ABCC1: variants seen among roughly 807,000 people sequenced by gnomAD.
ABCC1 encodes multidrug resistance-associated protein 1.
A neutral mutation model predicts 172.9 loss-of-function variants in ABCC1; 83 were observed. That is an observed-to-expected ratio of 0.48 (90% confidence interval 0.40 to 0.58). ABCC1 has a LOEUF of 0.58. Among genes scored for constraint, ABCC1 ranks in the 20% least tolerant of loss-of-function variants. The pLI, the probability that ABCC1 is intolerant of heterozygous loss-of-function variation, is 0.00. For missense variants in ABCC1, 1,817 were observed against 2,002.7 expected (o/e 0.91, Z 1.77); for synonymous variants, 937 against 825.2 (o/e 1.14, Z -2.32).
intron 5 of ABCC1, among the ~76,000 whole-genome samples, chr16:16,021,837 G>A (rs61450946): frequency 0.048 from 7,281 of 152,240 alleles, 204 homozygotes; most frequent in Middle Eastern, 0.12. Flanking sequence ...AGCTAGACTT[G>A]TGGCTTTGGG....
intron 1 of ABCC1, among the ~76,000 whole-genome samples, chr16:16,005,069 CTT>C (rs36027088): frequency 2.2e-5 from 3 of 134,450 alleles, no homozygotes; most frequent in Admixed American, 7.8e-5. Flanking sequence ...TCATTTTTAA[CTT>C]TTTTTTTTTT....
At chr16:15,949,996 C>A (rs1444504418) in intron 1 of ABCC1, among the ~76,000 whole-genome samples, 197 bp downstream of exon 1, 1 of 152,090 alleles carries the variant, frequency 6.6e-6, no homozygotes, top group Non-Finnish European at 1.5e-5. Flanking sequence ...TGACTCAGTT[C>A]CTGCGGAGCA....
chr16:16,073,016 A>G (rs1185117813), intron 14 of ABCC1, among the ~76,000 whole-genome samples: 2 of 146,270 alleles, frequency 1.4e-5, no homozygotes, highest in Non-Finnish European at 3.0e-5. Context: ...CACTCCAGCC[A>G]GGGCAAAGAG....
intron 24 of ABCC1, among the ~76,000 whole-genome samples, 196 bp from the exon 25 acceptor site, chr16:16,124,593 C>T (rs1295836326): frequency 2.0e-5 from 3 of 152,144 alleles, no homozygotes; most frequent in Non-Finnish European, 4.4e-5. Context: ...ATTTACTGGC[C>T]TCGTGCCTTC....
Position 16,074,190 on chromosome 16 carries a change from C to T in ABCC1, c.1913-2136C>T, listed in dbSNP as rs139682431. Among the ~76,000 whole-genome samples, 36 of 152,246 alleles carry T rather than the reference C, an allele frequency of 2.4e-4. No homozygotes were observed. The South Asian group carries it at 3.1e-3, about 13-fold the overall frequency. On this transcript the variant is annotated intron_variant, in intron 14 of 30. Transcript: ENST00000399410. ...GTTGAGCAGCAACCCTGGACTCTAC[C>T]CATTAGATACAGTAGTATCCATCCC...
chr16:15,976,004 G>A (rs936180257), intron 1 of ABCC1, among the ~76,000 whole-genome samples: 1 of 152,010 alleles, frequency 6.6e-6, no homozygotes, highest in Non-Finnish European at 1.5e-5. Context: ...GGTGGCTTAC[G>A]CCTGTTATCC....
At chr16:16,115,454 A>G (rs2044820442) in intron 23 of ABCC1, among the ~76,000 whole-genome samples, 1 of 152,002 alleles carries the variant, frequency 6.6e-6, no homozygotes, top group African/African-American at 2.4e-5. Context: ...TCCCAGTTCA[A>G]GTGATTCCCC....
At chr16:15,980,033 AGT>A (rs1567284267) in intron 1 of ABCC1, among the ~76,000 whole-genome samples, 1 of 152,090 alleles carries the variant, frequency 6.6e-6, no homozygotes, top group African/African-American at 2.4e-5. Flanking sequence ...GTCTGGGGAG[AGT>A]GAGACATCGA....
At chr16:16,120,814 G>A (rs2045116153) in intron 23 of ABCC1, among the ~76,000 whole-genome samples, 1 of 152,080 alleles carries the variant, frequency 6.6e-6, no homozygotes, top group Non-Finnish European at 1.5e-5. Context: ...GGAGGGGGGT[G>A]ACGAGATTGA....
chr16:16,040,478 G>A (rs1011425948), intron 7 of ABCC1, among the ~76,000 whole-genome samples: 4 of 151,652 alleles, frequency 2.6e-5, no homozygotes, highest in Admixed American at 1.3e-4. Context: ...GTAGAGATGG[G>A]GTTTCTCCAT....
chr16:16,093,778 C>T (rs1407782544), intron 19 of ABCC1, among the ~76,000 whole-genome samples: 3 of 152,160 alleles, frequency 2.0e-5, no homozygotes, highest in Non-Finnish European at 1.5e-5. Flanking sequence ...AACTTTTTTC[C>T]TTGTTGGATT....
At chr16:16,110,729 C>G (rs755385107) in intron 21 of ABCC1, among the ~76,000 whole-genome samples, 16 of 152,164 alleles carry the variant, frequency 1.1e-4, no homozygotes, top group Admixed American at 2.6e-4. Flanking sequence ...AAGAAAACCT[C>G]CCCCAATACC....
At chr16:16,129,645 G>A (rs937747673) in intron 26 of ABCC1, among the ~76,000 whole-genome samples, 3 of 150,754 alleles carry the variant, frequency 2.0e-5, no homozygotes, top group Admixed American at 6.6e-5. Flanking sequence ...TCTAGTGATC[G>A]TCGTGTCTCA....
intron 10 of ABCC1, among the ~76,000 whole-genome samples, chr16:16,051,709 A>G (rs1372930970): frequency 6.6e-6 from 1 of 152,116 alleles, no homozygotes; most frequent in Non-Finnish European, 1.5e-5. Flanking sequence ...TTTGCTTGGC[A>G]CATACCAAAA....
chr16:16,017,350 C>G (rs2048038441), intron 5 of ABCC1, among the ~76,000 whole-genome samples: 1 of 152,048 alleles, frequency 6.6e-6, no homozygotes, highest in South Asian at 2.1e-4. Flanking sequence ...CCTACCTCAG[C>G]TTTCTGAGTA....
At chr16:16,109,094 C>G (rs2052274730) in intron 21 of ABCC1, among the ~76,000 whole-genome samples, 1 of 152,176 alleles carries the variant, frequency 6.6e-6, no homozygotes, top group African/African-American at 2.4e-5. Context: ...CTTGAAAACT[C>G]AAAAGGAAGC....
chr16:16,109,345 T>G (rs1153867), intron 21 of ABCC1, among the ~76,000 whole-genome samples: 26,608 of 151,828 alleles, frequency 0.18, 2,516 homozygotes, highest in African/African-American at 0.24. Context: ...CCTAGCTAAT[T>G]TTAAAATTTT....
intron 1 of ABCC1, among the ~76,000 whole-genome samples, chr16:15,964,868 C>G (rs1413022239): frequency 6.6e-6 from 1 of 152,104 alleles, no homozygotes; most frequent in Non-Finnish European, 1.5e-5. Context: ...TATCCTGCAA[C>G]ATATTTTCCA....
At chr16:16,032,888 A>G (rs1402745887) in intron 5 of ABCC1, among the ~76,000 whole-genome samples, 1 of 152,228 alleles carries the variant, frequency 6.6e-6, no homozygotes, top group African/African-American at 2.4e-5. Context: ...GTGGTTGCAC[A>G]TGGTAGACAC....
Sources: gnomAD v4.1 joint callset for allele counts (sites outside exome capture counted in the v4.1 genomes callset) on GRCh38, gnomAD v4.1.1 for gene constraint, MANE v1.5 for transcripts, NCBI Gene and HGNC (gene_info 2026-07-23, HGNC 2026-07-21) for gene names.